The following PAH variants were observed in gnomAD, a reference collection of about 807,000 sequenced individuals.
PAH encodes the protein phenylalanine hydroxylase.
A neutral mutation model predicts 62.0 loss-of-function variants in PAH; 64 were observed. The observed-to-expected ratio is 1.03, with a 90% CI of 0.84 to 1.27. PAH has a LOEUF of 1.27. Ranked by LOEUF, PAH falls within the 50% of genes most tolerant of loss-of-function variation. The pLI, the probability that PAH is intolerant of heterozygous loss-of-function variation, is 0.00. For synonymous variants in PAH, 195 were observed against 196.2 expected (o/e 0.99, Z 0.05); for missense variants, 579 against 542.8 (o/e 1.07, Z -0.66).
rs775807672 is a variant in PAH at position 102,884,945 on chromosome 12, CAA to C, written c.353-7397_353-7396del. On this transcript the variant is annotated intron_variant, in intron 3 of 12. Coordinates refer to ENST00000553106, the MANE Select transcript of PAH (RefSeq NM_000277.3). ...CTGTTCACTGATGAGCAAATAGGCT[CAA>C]AGAGACAAAGTGATTTGCTCAAGAT... Among the ~76,000 whole-genome samples, 15 of 152,126 alleles carry C rather than the reference CAA, an allele frequency of 9.9e-5. 1 individual carries two copies. Among genetic ancestry groups the C allele is most frequent in the Non-Finnish European group, 4.4e-5 (3 of 68,022 alleles).
rs768048739 is a variant in PAH, at chr12:102,912,854, T to G, written c.105A>C (p.Ile35=). 6.2e-7 allele frequency: 1 copy of G among 1,613,798 alleles called. No homozygotes were observed. Among genetic ancestry groups the G allele is most frequent in the Non-Finnish European group, 8.5e-7 (1 of 1,179,730 alleles). ...IEDNCNQNGA[I]SLIFSLKEEV... is the part of the protein sequence containing the mutation. ...CTTCTTTGAGTGAGAAGATCAGTGA[T>G]ATGGCACCATTTTGATTGCAGTTGT... Residue 35 remains isoleucine, a synonymous_variant, in exon 2 of 13, where the codon ATA becomes ATC. Transcript: ENST00000553106.
At chr12:102,930,292 T>TA (rs1200761468) in intron 1 of PAH, among the ~76,000 whole-genome samples, 1 of 152,180 alleles carries the variant, frequency 6.6e-6, no homozygotes, top group Non-Finnish European at 1.5e-5. Context: ...ACTAAAGCTT[T>TA]AGAGCCTCAC....
chr12:102,908,249 A>C (rs182290901), intron 2 of PAH, among the ~76,000 whole-genome samples: 1 of 136,958 alleles, frequency 7.3e-6, no homozygotes, highest in Non-Finnish European at 1.5e-5. Flanking sequence ...CACACACACA[A>C]ACACACATGT....
At chr12:102,938,532 C>T (rs1879181244) in intron 1 of PAH, among the ~76,000 whole-genome samples, 1 of 152,156 alleles carries the variant, frequency 6.6e-6, no homozygotes, top group Non-Finnish European at 1.5e-5. Flanking sequence ...GACTGCAAGC[C>T]TCACCTCTGC....
At chr12:102,852,552 C>T (rs1875201161) in intron 7 of PAH, among the ~76,000 whole-genome samples, 1 of 152,190 alleles carries the variant, frequency 6.6e-6, no homozygotes, top group African/African-American at 2.4e-5. Context: ...GACTTTGGAA[C>T]TTGATTGGGA....
intron 1 of PAH, among the ~76,000 whole-genome samples, chr12:102,927,359 A>T (rs1371674432): frequency 1.4e-5 from 2 of 147,226 alleles, no homozygotes; most frequent in Non-Finnish European, 3.0e-5. Flanking sequence ...ACTGCCTGGC[A>T]GTTTTCTCTG....
rs1876051142 is a variant in PAH at position 102,867,866 on chromosome 12, TAG to T, written c.442-1205_442-1204del. Among the ~76,000 whole-genome samples the T allele has an allele frequency of 1.0e-4, 14 of 136,724 alleles. No individual in the cohort carries two copies. In the South Asian group the frequency reaches 1.7e-3, roughly 17 times the overall value. The allele number at this position is 136,724 out of a possible 152,430, so 89.7% of individuals were successfully genotyped here. A position where few individuals can be genotyped will look rare whatever the true frequency, so the allele number is the denominator to read the frequency against. ...CTCTCTCTCTATGTATATACATATATAGATGTATATATACATGTATATACATA... is the reference window on the plus strand; with the variant it reads ...CTCTCTCTCTATGTATATACATATATATGTATATATACATGTATATACATA... On this transcript the variant is annotated intron_variant, in intron 4 of 12. Coordinates refer to ENST00000553106, the MANE Select transcript of PAH (RefSeq NM_000277.3).
intron 1 of PAH, among the ~76,000 whole-genome samples, chr12:102,940,992 A>C (rs1879266905): frequency 6.6e-6 from 1 of 152,204 alleles, no homozygotes; most frequent in African/African-American, 2.4e-5. Context: ...AAGCCCTACA[A>C]ACCAGAAGAG....
At chr12:102,852,529 A>G (rs1296602797) in intron 7 of PAH, among the ~76,000 whole-genome samples, 1 of 152,204 alleles carries the variant, frequency 6.6e-6, no homozygotes, top group Non-Finnish European at 1.5e-5. Context: ...CTCATTTGCA[A>G]CTTCGTAGCT....
intron 4 of PAH, among the ~76,000 whole-genome samples, chr12:102,867,111 AT>A (rs1464003723): frequency 6.6e-6 from 1 of 152,222 alleles, no homozygotes; most frequent in Non-Finnish European, 1.5e-5. Flanking sequence ...AATACCATTG[AT>A]TAAATACATA....
rs1025923806 is a variant in PAH, at chr12:102,838,429, A to C, written c.*746T>G. ...TTATTTATTCAGTGAACATTTCCTGAATATCTACCAACCAAGCCTTTAGTC... is the reference window on the plus strand; with the variant it reads ...TTATTTATTCAGTGAACATTTCCTGCATATCTACCAACCAAGCCTTTAGTC... On this transcript the variant is annotated 3_prime_UTR_variant, in exon 13 of 13. Coordinates refer to ENST00000553106, the MANE Select transcript of PAH (RefSeq NM_000277.3). 1.3e-5 allele frequency: 2 copies of C among 152,200 alleles called. No homozygotes were observed. The highest frequency in any genetic ancestry group is 4.8e-5 in the African/African-American group (2 of 41,448). 9.4% of individuals were successfully genotyped at this position (152,200 alleles called of 1,614,324 possible).
chr12:102,885,475 G>A lies in PAH; in HGVS notation c.353-7925C>T, dbSNP rs142221294. ...GGCTCCGCGGTTAATGAATGACTTGGGCAGGCTGGGGCAACAGAGGCCCTC... is the reference window on the plus strand; with the variant it reads ...GGCTCCGCGGTTAATGAATGACTTGAGCAGGCTGGGGCAACAGAGGCCCTC... On this transcript the variant is annotated intron_variant, in intron 3 of 12. Transcript: ENST00000553106. Among the ~76,000 whole-genome samples the A allele has an allele frequency of 2.8e-3, 429 of 152,300 alleles. 7 individuals carry two copies. The South Asian group carries it at 0.043, about 15-fold the overall frequency.
chr12:102,956,437 G>C (rs1196173626), intron 1 of PAH, among the ~76,000 whole-genome samples: 1 of 152,178 alleles, frequency 6.6e-6, no homozygotes. Flanking sequence ...GGCTGCAAGC[G>C]CCTCCCCCTC....
At chr12:102,901,539 ATG>A (rs1394268252) in intron 2 of PAH, among the ~76,000 whole-genome samples, 3 of 151,986 alleles carry the variant, frequency 2.0e-5, no homozygotes, top group Non-Finnish European at 4.4e-5. Flanking sequence ...ATCACATTTT[ATG>A]TGTCATTTTA....
At chr12:102,902,671 G>A (rs902488044) in intron 2 of PAH, among the ~76,000 whole-genome samples, 3 of 152,306 alleles carry the variant, frequency 2.0e-5, no homozygotes, top group Admixed American at 2.0e-4. Flanking sequence ...ATTCAAGAAA[G>A]TATGAGCAGC....
intron 3 of PAH, among the ~76,000 whole-genome samples, chr12:102,878,767 T>A (rs558991876): frequency 6.6e-6 from 1 of 152,016 alleles, no homozygotes; most frequent in Non-Finnish European, 1.5e-5. Flanking sequence ...ACATTTAAGG[T>A]ATTGACAGCA....
At position 102,852,951 on chromosome 12, in the gene PAH, C is replaced by T. The variant is rs62507269; in HGVS notation, c.707-1G>A. On this transcript the variant is annotated splice_acceptor_variant, in intron 6 of 12. Coordinates refer to ENST00000553106, the MANE Select transcript of PAH (RefSeq NM_000277.3). LOFTEE classifies it high-confidence loss of function. ...GGTCGGAGGCGGAAACCAGTGCAAG[C>T]TGGGATGAAAAGAAGAAAGAAAACT... 1 of 1,613,968 alleles carries T rather than the reference C, an allele frequency of 6.2e-7. No homozygotes were observed. The highest frequency in any genetic ancestry group is 2.2e-5 in the East Asian group (1 of 44,850).
intron 3 of PAH, among the ~76,000 whole-genome samples, chr12:102,880,019 C>G (rs1422264043): frequency 6.6e-6 from 1 of 152,128 alleles, no homozygotes; most frequent in Non-Finnish European, 1.5e-5. Context: ...TGCAACAGTC[C>G]TTTGAGGTAG....
At chr12:102,884,922 G>T (rs1372506793) in intron 3 of PAH, among the ~76,000 whole-genome samples, 2 of 152,284 alleles carry the variant, frequency 1.3e-5, no homozygotes, top group Middle Eastern at 3.4e-3. Context: ...CATTATTGCT[G>T]TTCACTGATG....
Sources: gnomAD v4.1 joint callset for allele counts (sites outside exome capture counted in the v4.1 genomes callset) on GRCh38, gnomAD v4.1.1 for gene constraint, MANE v1.5 for transcripts, NCBI Gene and HGNC (gene_info 2026-07-23, HGNC 2026-07-21) for gene names.